The following MAP3K7 variants were observed in gnomAD, a reference collection of about 807,000 sequenced individuals.
MAP3K7 encodes TGF-beta activated kinase 1.
In MAP3K7, 21 loss-of-function variants were observed where a neutral mutation model predicts 84.8. The ratio of observed to expected loss-of-function variants is 0.25; its 90% CI spans 0.18 to 0.36. The LOEUF (loss-of-function observed/expected upper bound fraction) is 0.36. Ranked by LOEUF, MAP3K7 falls within the 10% of genes least tolerant of loss-of-function variation. The pLI, the probability that MAP3K7 is intolerant of heterozygous loss-of-function variation, is 1.00. For synonymous variants in MAP3K7, 241 were observed against 247.7 expected (o/e 0.97, Z 0.25); for missense variants, 503 against 747.7 (o/e 0.67, Z 3.82).
chr6:90,523,611 G>A, intron 14 of MAP3K7, 67 bp downstream of exon 14: 1 of 1,034,452 alleles, frequency 9.7e-7, no homozygotes, highest in South Asian at 1.3e-5. Context: ...TTAGAGTAAT[G>A]ACATGGCCAA....
intron 8 of MAP3K7, 156 bp from the exon 9 acceptor site, chr6:90,550,705 T>C: frequency 1.9e-6 from 1 of 526,720 alleles, no homozygotes; most frequent in African/African-American, 1.9e-5. Context: ...GATTTCAACT[T>C]TGATCAATGC....
At chr6:90,550,203 G>A (rs929076543) in intron 9 of MAP3K7, among the ~76,000 whole-genome samples, 1 of 152,114 alleles carries the variant, frequency 6.6e-6, no homozygotes, top group African/African-American at 2.4e-5. Flanking sequence ...AGTTAAGAAT[G>A]ACATTCACTG....
chr6:90,522,071 C>T, intron 14 of MAP3K7, among the ~76,000 whole-genome samples: 1 of 151,304 alleles, frequency 6.6e-6, no homozygotes, highest in Admixed American at 6.6e-5. Flanking sequence ...TAATTATAAA[C>T]TTAAACCAGA....
At chr6:90,586,667 T>C in intron 1 of MAP3K7, 97 bp downstream of exon 1, 3 of 1,466,234 alleles carry the variant, frequency 2.0e-6, no homozygotes, top group Non-Finnish European at 2.7e-6. Context: ...GTCCCGCGAA[T>C]TAGAGGGGCC....
chr6:90,559,057 T>A (rs908123313), intron 5 of MAP3K7, among the ~76,000 whole-genome samples: 1 of 152,174 alleles, frequency 6.6e-6, no homozygotes, highest in South Asian at 2.1e-4. Context: ...AAAAAAAGGC[T>A]AAGTGATTTT....
rs1777082407 is a variant in MAP3K7 at position 90,576,439 on chromosome 6, AC to A, written c.121-4633del. Among the ~76,000 whole-genome samples, 3 of 135,354 alleles carry A rather than the reference AC, an allele frequency of 2.2e-5. No individual in the cohort carries two copies. The South Asian group carries it at 6.4e-4, about 29-fold the overall frequency. The allele number at this position is 135,354 out of a possible 152,430, so 88.8% of individuals were successfully genotyped here. On this transcript the variant is annotated intron_variant, in intron 1 of 16. Transcript: ENST00000369329. ...CTCTGTCACACACACACACACACAC[AC>A]ACACACACACACACACACACACACA...
intron 16 of MAP3K7, among the ~76,000 whole-genome samples, chr6:90,518,108 A>C (rs1281422122): frequency 6.6e-6 from 1 of 151,836 alleles, no homozygotes; most frequent in Non-Finnish European, 1.5e-5. Context: ...GTATCTACAA[A>C]AATGTTTCTA....
At chr6:90,538,696 C>G (rs1775754661) in intron 12 of MAP3K7, among the ~76,000 whole-genome samples, 1 of 151,848 alleles carries the variant, frequency 6.6e-6, no homozygotes, top group African/African-American at 2.4e-5. Flanking sequence ...ATTCTTTTTA[C>G]AGTAATGTCA....
intron 3 of MAP3K7, among the ~76,000 whole-genome samples, 189 bp downstream of exon 3, chr6:90,568,369 T>C (rs1776785497): frequency 6.6e-6 from 1 of 152,182 alleles, no homozygotes. Context: ...TGTACTCATA[T>C]AGTCCTTGAA....
At chr6:90,531,636 C>T (rs1337778727) in intron 13 of MAP3K7, among the ~76,000 whole-genome samples, 4 of 152,058 alleles carry the variant, frequency 2.6e-5, no homozygotes, top group Non-Finnish European at 5.9e-5. Flanking sequence ...CTTACATGGT[C>T]TTCTACAATA....
chr6:90,518,080 C>T (rs1775026669), intron 16 of MAP3K7, among the ~76,000 whole-genome samples: 2 of 151,742 alleles, frequency 1.3e-5, no homozygotes. Flanking sequence ...CAATTCTAAA[C>T]ATACACCTGG....
At chr6:90,540,602 G>A (rs1048835351) in intron 12 of MAP3K7, among the ~76,000 whole-genome samples, 9 of 151,868 alleles carry the variant, frequency 5.9e-5, no homozygotes, top group African/African-American at 2.2e-4. Flanking sequence ...TTTATAGGTG[G>A]TAAGTATATA....
intron 1 of MAP3K7, among the ~76,000 whole-genome samples, chr6:90,577,683 G>A (rs1007390160): frequency 6.6e-6 from 1 of 152,236 alleles, no homozygotes; most frequent in Non-Finnish European, 1.5e-5. Context: ...GACAGTGAAA[G>A]CATATGCCAG....
At chr6:90,534,021 C>A (rs1425435195) in intron 13 of MAP3K7, among the ~76,000 whole-genome samples, 1 of 152,150 alleles carries the variant, frequency 6.6e-6, no homozygotes, top group Admixed American at 6.5e-5. Context: ...AAGAAGCTTG[C>A]TTCATTTACT....
rs896473430 is a variant in MAP3K7, at chr6:90,533,156, T to C, written c.1356+3181A>G. ...ATTCTGATAATGTATACTAAGAGCC[T>C]ATCTGGCACAAAGTCAGTGCACAAC... is the stretch of plus-strand genomic sequence containing the variant. On this transcript the variant is annotated intron_variant, in intron 13 of 16. Transcript: ENST00000369329. Among the ~76,000 whole-genome samples the C allele has an allele frequency of 2.6e-5, 4 of 152,198 alleles. 1 individual carries two copies. Among genetic ancestry groups the C allele is most frequent in the Admixed American group, 2.0e-4 (3 of 15,274 alleles).
chr6:90,523,935 A>C (rs922671366), intron 13 of MAP3K7, 152 bp from the exon 14 acceptor site: 1 of 549,160 alleles, frequency 1.8e-6, no homozygotes, highest in Non-Finnish European at 3.3e-6. Context: ...TATATGTAAA[A>C]ATTTATATTC....
intron 12 of MAP3K7, 81 bp from the exon 13 acceptor site, chr6:90,536,482 GGAA>G: frequency 2.2e-6 from 2 of 908,072 alleles, no homozygotes; most frequent in Non-Finnish European, 3.2e-6. Flanking sequence ...GCAGAAAGTT[GGAA>G]TTTGTTGCTC....
At position 90,556,542 on chromosome 6, in the gene MAP3K7, T is replaced by C; in HGVS notation, c.565A>G (p.Asn189Asp). Residue 189 changes from asparagine to aspartate, a missense_variant, in exon 6 of 17, where the codon AAC becomes GAC. By Grantham distance (23) the Asn-to-Asp change is conservative. Around this residue, in one of 5 missense-constraint regions of MAP3K7, gnomAD observed 97 missense variants for 270.8 expected, o/e 0.36. Coordinates refer to ENST00000369329, the MANE Select transcript of MAP3K7 (RefSeq NM_145331.3). The part of the protein sequence containing the change: ...ACDIQTHMTN[N>D]KGSAAWMAPE... ...GCCATCCAAGCAGCACTCCCCTTGT[T>C]ATTGGTCATGTGTGTCTGAATGTCA... is the stretch of plus-strand genomic sequence containing the variant. 6.2e-7 allele frequency: 1 copy of C among 1,613,738 alleles called. No individual in the cohort carries two copies.
intron 3 of MAP3K7, 42 bp from the exon 4 acceptor site, chr6:90,561,709 A>C: frequency 1.9e-5 from 27 of 1,399,230 alleles, no homozygotes; most frequent in Non-Finnish European, 2.5e-5. Flanking sequence ...AAGAAGCTCC[A>C]TCATCTTAGG....
Sources: gnomAD v4.1 joint callset for allele counts (sites outside exome capture counted in the v4.1 genomes callset) on GRCh38, gnomAD v4.1.1 for gene constraint, gnomAD v4.1.1 regional missense constraint, MANE v1.5 for transcripts, NCBI Gene and HGNC (gene_info 2026-07-23, HGNC 2026-07-21) for gene names.